MAP3K19: variants seen among roughly 807,000 people sequenced by gnomAD.
MAP3K19 encodes SPS1/STE20-related protein kinase YSK4.
Under a neutral mutation model 114.4 loss-of-function variants are expected in MAP3K19, and 91 were observed. The observed-to-expected ratio is 0.80, with a 90% CI of 0.67 to 0.95. MAP3K19 has a LOEUF of 0.95. Among genes scored for constraint, MAP3K19 ranks in the 40% least tolerant of loss-of-function variants. The pLI is 0.00. For missense variants in MAP3K19, 1,471 were observed against 1,573.2 expected, an observed-to-expected ratio of 0.94 and a Z score of 1.10; for synonymous variants, 518 against 530.5, an observed-to-expected ratio of 0.98 and a Z score of 0.32.
intron 5 of MAP3K19, among the ~76,000 whole-genome samples, chr2:135,019,797 T>C (rs1687844675): frequency 6.6e-6 from 1 of 152,236 alleles, no homozygotes; most frequent in African/African-American, 2.4e-5. Context: ...CAGTTCTCTC[T>C]CTGTAGGCAA....
intron 5 of MAP3K19, among the ~76,000 whole-genome samples, chr2:135,018,490 C>T (rs992246189): frequency 2.0e-5 from 3 of 152,168 alleles, no homozygotes; most frequent in South Asian, 2.1e-4. Context: ...GTATACACCA[C>T]CATGCCCAGC....
intron 6 of MAP3K19, among the ~76,000 whole-genome samples, chr2:135,003,780 CTGACCTCAGG>C (rs772252961): frequency 6.6e-6 from 1 of 152,230 alleles, no homozygotes; most frequent in Non-Finnish European, 1.5e-5. Context: ...TCTTGAACTC[CTGACCTCAGG>C]TGATCCGCCC....
Position 134,987,002 on chromosome 2 carries a change from G to C in MAP3K19, c.1870C>G (p.Gln624Glu). 1.2e-6 allele frequency: 2 copies of C among 1,613,530 alleles called. No homozygotes were observed. Among genetic ancestry groups the C allele is most frequent in the South Asian group, 1.1e-5 (1 of 91,074 alleles). ...ACAGAGAGAGGAACACATGACTTCTGTGTTCCTGGATTTTTACAGATGCAA... is the reference window on the plus strand; with the variant it reads ...ACAGAGAGAGGAACACATGACTTCTCTGTTCCTGGATTTTTACAGATGCAA... ...FPCICKNPGT[Q>E]KSCVPLSVQP... The change falls in exon 10 of 13, where the codon CAG (glutamine) becomes GAG (glutamate). Residue 624 changes from glutamine (Q) to glutamate (E), a missense_variant. Coordinates refer to ENST00000392915, the MANE Select transcript of MAP3K19 (RefSeq NM_025052.5).
intron 4 of MAP3K19, 148 bp downstream of exon 4, chr2:135,024,478 T>A (rs1227604389): frequency 2.7e-6 from 2 of 744,592 alleles, no homozygotes; most frequent in Non-Finnish European, 4.7e-6. Flanking sequence ...GAGCACCTAG[T>A]CGTGGGCCTT....
chr2:135,018,899 A>G (rs1687775924), intron 5 of MAP3K19, among the ~76,000 whole-genome samples: 1 of 152,138 alleles, frequency 6.6e-6, no homozygotes, highest in South Asian at 2.1e-4. Context: ...AGCCTGGCCA[A>G]CATGGTGAAA....
intron 5 of MAP3K19, among the ~76,000 whole-genome samples, chr2:135,021,105 G>A (rs536746918): frequency 9.1e-4 from 136 of 150,140 alleles, no homozygotes; most frequent in South Asian, 1.1e-3. Context: ...ACACAGGCAC[G>A]CTCACCCAGA....
intron 2 of MAP3K19, among the ~76,000 whole-genome samples, chr2:135,033,720 C>T (rs1483523477): frequency 1.4e-4 from 14 of 101,984 alleles, no homozygotes; most frequent in Non-Finnish European, 2.0e-4. Context: ...ACCTCCCTCC[C>T]GGACGGGGTG....
chr2:134,977,630 G>A (rs1263887324), intron 12 of MAP3K19, among the ~76,000 whole-genome samples: 2 of 152,054 alleles, frequency 1.3e-5, no homozygotes, highest in African/African-American at 2.4e-5. Context: ...CCAAAGTGCT[G>A]GGATTACTGG....
In MAP3K19 at chr2:134,980,835, G is replaced by A. The variant is rs769317270; in HGVS notation, c.3906C>T (p.Arg1302=). ...CAGTTTCTTACCTGGTCAGGCACAT[G>A]CGCACAAAGTCTGCTGCATTTTCTG... The part of the protein sequence containing the change: ...HFSENAADFV[R]MCLTRDQHER... The change falls in exon 12 of 13, where the codon CGC becomes CGT. Residue 1302 remains arginine (R), a synonymous_variant. Transcript: ENST00000392915. 1.9e-6 allele frequency: 3 copies of A among 1,613,190 alleles called. No homozygotes were observed. Among genetic ancestry groups the A allele is most frequent in the South Asian group, 1.1e-5 (1 of 91,054 alleles).
chr2:134,991,230 G>A (rs1685550389), intron 9 of MAP3K19: 3 of 310,480 alleles, frequency 9.7e-6, no homozygotes, highest in Non-Finnish European at 1.9e-5. Flanking sequence ...GAACCCGGGA[G>A]GCGGAGCTTG....
intron 5 of MAP3K19, among the ~76,000 whole-genome samples, chr2:135,013,307 G>A (rs542427484): frequency 4.2e-5 from 6 of 144,164 alleles, no homozygotes; most frequent in South Asian, 2.3e-4. Flanking sequence ...GTAAGAGTCC[G>A]TCCCAAAAAA....
Position 134,981,503 on chromosome 2 carries a change from T to G in MAP3K19, c.3238A>C (p.Thr1080Pro). 1 of 1,612,734 alleles carries G rather than the reference T, an allele frequency of 6.2e-7. No individual in the cohort carries two copies. Among genetic ancestry groups the G allele is most frequent in the Non-Finnish European group, 8.5e-7 (1 of 1,178,924 alleles). ...GAYGTVYCGL[T>P]SQGQLIAVKQ... The stretch of plus-strand genomic sequence containing the variant: ...ACAGCTATTAGCTGTCCTTGACTAG[T>G]GAGACCACAGTATACCTAGAAGCAA... Residue 1080 changes from threonine to proline, a missense_variant, in exon 12 of 13, where the codon ACT (threonine) becomes CCT (proline). Physicochemically the swap from Thr to Pro is conservative, Grantham distance 38. Transcript: ENST00000392915.
Position 134,999,943 on chromosome 2 carries a change from T to C in MAP3K19, c.308A>G (p.Glu103Gly). The C allele has an allele frequency of 6.2e-7, 1 of 1,603,294 alleles. No homozygotes were observed. The highest frequency in any genetic ancestry group is 8.5e-7 in the Non-Finnish European group (1 of 1,170,136). ...PQEMSQEDLK[E>G]KNLINSSLQE... ...TTCAAAGAATATTCCTTACTTCTTT[T>C]CTTTTAAGTCTTCTTGGCTCATTTC... The change falls in exon 7 of 13, where the codon GAA (glutamate) becomes GGA (glycine). Residue 103 changes from glutamate to glycine, a missense_variant. Physicochemically the swap from Glu to Gly is moderately conservative, Grantham distance 98. Transcript: ENST00000392915. The surrounding 1 kb of genome is among the most constrained non-coding windows in gnomAD (Gnocchi z 4.1).
chr2:135,020,629 T>C (rs1231713328), intron 5 of MAP3K19, among the ~76,000 whole-genome samples: 1 of 152,244 alleles, frequency 6.6e-6, no homozygotes, highest in Non-Finnish European at 1.5e-5. Flanking sequence ...CCAGCAAATC[T>C]AATCTTGAAT....
At chr2:135,017,596 C>G (rs144383902) in intron 5 of MAP3K19, among the ~76,000 whole-genome samples, 2 of 152,112 alleles carry the variant, frequency 1.3e-5, no homozygotes, top group Non-Finnish European at 2.9e-5. Flanking sequence ...CTCTCTGCTC[C>G]TTATATACAT....
At chr2:135,030,173 T>G (rs1688346782) in intron 3 of MAP3K19, 139 bp downstream of exon 3, 1 of 152,242 alleles carries the variant, frequency 6.6e-6, no homozygotes. Context: ...ATCCCCTTTC[T>G]TTTTTATATG....
chr2:135,047,145 G>C (rs1397445275), intron 1 of MAP3K19, 40 bp downstream of exon 1: 1 of 152,164 alleles, frequency 6.6e-6, no homozygotes, highest in Non-Finnish European at 1.5e-5. Flanking sequence ...GCAACATACA[G>C]TTTATCTAAA....
At chr2:135,021,932 A>G (rs1279509833) in intron 4 of MAP3K19, 102 bp from the exon 5 acceptor site, 1 of 669,348 alleles carries the variant, frequency 1.5e-6, no homozygotes, top group Admixed American at 3.6e-5. Context: ...ATTTTGTCAA[A>G]GATTTTCCTG....
intron 6 of MAP3K19, among the ~76,000 whole-genome samples, chr2:135,002,709 T>A (rs1194445190): frequency 1.3e-5 from 2 of 151,898 alleles, no homozygotes; most frequent in Non-Finnish European, 2.9e-5. Context: ...TGAAAAAAGA[T>A]AAGGTGCAGG....
Sources: gnomAD v4.1 joint callset for allele counts (sites outside exome capture counted in the v4.1 genomes callset) on GRCh38, gnomAD v4.1.1 for gene constraint, Gnocchi (gnomAD v3.1) non-coding constraint, MANE v1.5 for transcripts, NCBI Gene and HGNC (gene_info 2026-07-23, HGNC 2026-07-21) for gene names.